Variants in CACNA2D1 observed in about 807,000 individuals in gnomAD.
CACNA2D1 encodes the protein calcium voltage-gated channel auxiliary subunit alpha2delta 1.
CACNA2D1 carries 53 observed loss-of-function variants against 171.5 expected under a neutral mutation model. The observed-to-expected ratio is 0.31, with a 90% CI of 0.25 to 0.39. CACNA2D1 has a LOEUF of 0.39. CACNA2D1 is among the 10% of genes least tolerant of loss of function. The pLI, the probability that CACNA2D1 is intolerant of heterozygous loss-of-function variation, is 1.00. For synonymous variants in CACNA2D1, 442 were observed against 443.1 expected (o/e 1.00, Z 0.03); for missense variants, 903 against 1,299.8 (o/e 0.69, Z 4.69).
rs187204105 is a variant in CACNA2D1 at position 82,053,849 on chromosome 7, G to A, written c.879+6579C>T. On this transcript the variant is annotated intron_variant, in intron 10 of 38. Coordinates refer to ENST00000356860, the MANE Select transcript of CACNA2D1 (RefSeq NM_000722.4). ...GAAATGTATTCCCAGTTTTTCCTAC[G>A]AGTAATATATTCTGTTTTCCCATAT... is the stretch of plus-strand genomic sequence containing the variant. Among the ~76,000 whole-genome samples the A allele has an allele frequency of 2.7e-3, 418 of 152,176 alleles. 2 individuals carry two copies. Among genetic ancestry groups the A allele is most frequent in the Non-Finnish European group, 4.5e-3 (305 of 68,002 alleles).
chr7:81,984,664 T>G lies in CACNA2D1; in HGVS notation c.1844A>C (p.Lys615Thr), dbSNP rs1320057557. 1.9e-6 allele frequency: 3 copies of G among 1,573,434 alleles called. No homozygotes were observed. Among genetic ancestry groups the G allele is most frequent in the Non-Finnish European group, 2.6e-6 (3 of 1,153,946 alleles). ...PTYSFYYIKAKLEETITQARS... is the reference protein window; with the variant it reads ...PTYSFYYIKATLEETITQARS... ...GGCCTGAGTTATTGTCTCTTCTAGTTTGGCTTTTATATAGTAAAAACTGTA... is the reference window on the plus strand; with the variant it reads ...GGCCTGAGTTATTGTCTCTTCTAGTGTGGCTTTTATATAGTAAAAACTGTA... Residue 615 changes from lysine to threonine, a missense_variant, in exon 22 of 39, where the codon AAA (lysine) becomes ACA (threonine). Coordinates refer to ENST00000356860, the MANE Select transcript of CACNA2D1 (RefSeq NM_000722.4).
intron 2 of CACNA2D1, among the ~76,000 whole-genome samples, chr7:82,344,301 G>T (rs1034340379): frequency 2.0e-5 from 3 of 152,152 alleles, no homozygotes; most frequent in Non-Finnish European, 4.4e-5. Flanking sequence ...ATAATCAGAA[G>T]TATTTCCAAA....
rs148573351 is a variant in CACNA2D1, at chr7:82,084,747, G to A, written c.658+22C>T. On this transcript the variant is annotated intron_variant, in intron 7 of 38. Transcript: ENST00000356860. ...AACATTGAGGCTGGAACTTGACAAT[G>A]ATTGAATCACTAAGCACCTACCTGG... The A allele has an allele frequency of 1.1e-3, 1,798 of 1,613,626 alleles. 22 individuals carry two copies. In the African/African-American group the frequency reaches 0.022, roughly 19 times the overall value.
At chr7:82,009,597 A>G (rs974587648) in intron 15 of CACNA2D1, among the ~76,000 whole-genome samples, 2 of 152,108 alleles carry the variant, frequency 1.3e-5, no homozygotes, top group African/African-American at 4.8e-5. Flanking sequence ...ATATGGATGT[A>G]ATCATTTCCT....
chr7:81,960,867 C>T (rs553839788), intron 36 of CACNA2D1, among the ~76,000 whole-genome samples: 68 of 152,132 alleles, frequency 4.5e-4, no homozygotes, highest in Non-Finnish European at 2.2e-4. Flanking sequence ...CTAAACAAGA[C>T]AGTCTGCTTT....
At chr7:81,980,099 ATG>A (rs1796288128) in intron 24 of CACNA2D1, among the ~76,000 whole-genome samples, 1 of 15,780 alleles carries the variant, frequency 6.3e-5, no homozygotes, top group South Asian at 1.9e-3. Context: ...CGGGATGCAT[ATG>A]TATGTATGTG....
At chr7:82,121,545 G>A (rs2129058009) in intron 5 of CACNA2D1, among the ~76,000 whole-genome samples, 1 of 152,214 alleles carries the variant, frequency 6.6e-6, no homozygotes, top group South Asian at 2.1e-4. Flanking sequence ...ATGACAATAA[G>A]AACATAACTG....
At chr7:82,183,987 C>T (rs1053843201) in intron 3 of CACNA2D1, among the ~76,000 whole-genome samples, 2 of 151,830 alleles carry the variant, frequency 1.3e-5, no homozygotes, top group African/African-American at 2.4e-5. Context: ...TTTATCATTC[C>T]TGACTTGTTA....
chr7:82,297,584 A>C (rs1812458210), intron 3 of CACNA2D1, among the ~76,000 whole-genome samples: 2 of 152,216 alleles, frequency 1.3e-5, no homozygotes, highest in Non-Finnish European at 2.9e-5. Context: ...TAGAATAAAA[A>C]GGGTTTCTAT....
chr7:82,376,507 T>A (rs541334230), intron 1 of CACNA2D1, among the ~76,000 whole-genome samples: 1 of 152,334 alleles, frequency 6.6e-6, no homozygotes, highest in South Asian at 2.1e-4. Context: ...CAATAGATAT[T>A]CCAAAACAGC....
chr7:82,005,572 A>G, intron 17 of CACNA2D1, 75 bp from the exon 18 acceptor site: 1 of 940,046 alleles, frequency 1.1e-6, no homozygotes. Context: ...TTAAATACAT[A>G]ATGTATTAAA....
chr7:82,145,288 TAAA>T (rs997737424), intron 4 of CACNA2D1, among the ~76,000 whole-genome samples: 298 of 144,648 alleles, frequency 2.1e-3, no homozygotes, highest in South Asian at 7.0e-3. Context: ...AAATAAAAAA[TAAA>T]AATATATAAA....
chr7:81,975,791 T>A (rs1795778751), intron 24 of CACNA2D1, among the ~76,000 whole-genome samples: 1 of 110,362 alleles, frequency 9.1e-6, no homozygotes, highest in African/African-American at 3.5e-5. Context: ...TAAGTAAGTA[T>A]TGGGAATGAA....
intron 6 of CACNA2D1, among the ~76,000 whole-genome samples, chr7:82,103,413 G>C (rs1812924387): frequency 6.6e-6 from 1 of 152,180 alleles, no homozygotes; most frequent in Non-Finnish European, 1.5e-5. Flanking sequence ...AAAAGATTAT[G>C]TGTTGAAAGT....
intron 1 of CACNA2D1, among the ~76,000 whole-genome samples, chr7:82,379,946 G>T (rs1355479362): frequency 6.6e-6 from 1 of 151,126 alleles, no homozygotes; most frequent in Non-Finnish European, 1.5e-5. Flanking sequence ...CTTAATATTG[G>T]ACTATCCATA....
intron 38 of CACNA2D1, among the ~76,000 whole-genome samples, chr7:81,958,143 C>T (rs771279147): frequency 1.8e-4 from 28 of 151,900 alleles, no homozygotes; most frequent in Non-Finnish European, 1.5e-4. Flanking sequence ...ATTACTCTCC[C>T]TAGCAAGGAT....
chr7:82,440,111 T>C (rs1830382848), intron 1 of CACNA2D1, among the ~76,000 whole-genome samples: 1 of 151,974 alleles, frequency 6.6e-6, no homozygotes, highest in African/African-American at 2.4e-5. Context: ...TTTATGCTTA[T>C]TTCCTGTGGA....
chr7:82,286,420 C>A (rs572034608), intron 3 of CACNA2D1, among the ~76,000 whole-genome samples: 6 of 152,254 alleles, frequency 3.9e-5, no homozygotes, highest in Non-Finnish European at 8.8e-5. Flanking sequence ...CACACACACC[C>A]CAAAACTACC....
intron 5 of CACNA2D1, 140 bp downstream of exon 5, chr7:82,136,495 T>A: frequency 1.6e-6 from 1 of 607,352 alleles, no homozygotes; most frequent in Non-Finnish European, 2.9e-6. Flanking sequence ...TTCTTCATTA[T>A]CTCGTATCTA....
Sources: gnomAD v4.1 joint callset for allele counts (sites outside exome capture counted in the v4.1 genomes callset) on GRCh38, gnomAD v4.1.1 for gene constraint, MANE v1.5 for transcripts, NCBI Gene and HGNC (gene_info 2026-07-23, HGNC 2026-07-21) for gene names.